TASOR: variants seen among roughly 807,000 people sequenced by gnomAD.
The protein encoded by TASOR is transcription activation suppressor, also known as protein TASOR.
TASOR carries 53 observed loss-of-function variants against 178.6 expected under a neutral mutation model. The ratio of observed to expected loss-of-function variants is 0.30; its 90% CI spans 0.24 to 0.37. The LOEUF (loss-of-function observed/expected upper bound fraction) is 0.37, where lower values mean the gene tolerates loss of function less well. Ranked by LOEUF, TASOR falls within the 10% of genes least tolerant of loss-of-function variation. The probability of loss-of-function intolerance (pLI) is 1.00; values close to 1 mark genes in which losing one functional copy is unlikely to be tolerated. For synonymous variants in TASOR, 713 were observed against 696.2 expected, an observed-to-expected ratio of 1.02 and a Z score of -0.38; for missense variants, 1,815 against 1,971.4, an observed-to-expected ratio of 0.92 and a Z score of 1.50.
At chr3:56,624,295 T>C (rs2076751773) in intron 23 of TASOR, among the ~76,000 whole-genome samples, 184 bp downstream of exon 23, 4 of 152,212 alleles carry the variant, frequency 2.6e-5, no homozygotes, top group Admixed American at 6.5e-5. Context: ...GGCTACAGTA[T>C]AATAAATGAG....
At chr3:56,672,288 T>C (rs2030810718) in intron 2 of TASOR, among the ~76,000 whole-genome samples, 3 of 152,214 alleles carry the variant, frequency 2.0e-5, no homozygotes, top group Admixed American at 6.5e-5. Context: ...ATTACTGCTC[T>C]TTAATAACTA....
intron 1 of TASOR, 57 bp downstream of exon 1, chr3:56,682,619 C>A: frequency 7.2e-7 from 1 of 1,389,956 alleles, no homozygotes; most frequent in Non-Finnish European, 9.5e-7. Context: ...TAGAAAGATT[C>A]TAATGAAAAG....
In TASOR at chr3:56,683,231, T is replaced by C; in HGVS notation, c.-225A>G. ...TCGGAGCCGCTCCTCCCTCGGGCAG[T>C]TCTTCTGCCTTCCCCCGCCACTCAA... On this transcript the variant is annotated 5_prime_UTR_variant, in exon 1 of 24. Coordinates refer to ENST00000683822, the MANE Select transcript of TASOR (RefSeq NM_001365635.2). 3 of 460,206 alleles carry C rather than the reference T, an allele frequency of 6.5e-6. No homozygotes were observed. Among genetic ancestry groups the C allele is most frequent in the Non-Finnish European group, 1.1e-5 (3 of 263,282 alleles). The allele number at this position is 460,206 out of a possible 1,614,324, so 28.5% of individuals were successfully genotyped here. A position where few individuals can be genotyped will look rare whatever the true frequency, so the allele number is the denominator to read the frequency against.
At chr3:56,673,514 AT>A in intron 2 of TASOR, 65 bp downstream of exon 2, 21 of 1,283,296 alleles carry the variant, frequency 1.6e-5, no homozygotes, top group East Asian at 3.0e-5. Flanking sequence ...TCTAGAGAAC[AT>A]TTTTTTCCCA....
At chr3:56,659,834 T>C (rs976797324) in intron 11 of TASOR, among the ~76,000 whole-genome samples, 2 of 152,144 alleles carry the variant, frequency 1.3e-5, no homozygotes, top group Non-Finnish European at 2.9e-5. Context: ...AGTGTTCCTT[T>C]ATCTCCTCAA....
chr3:56,682,155 C>T (rs530694562), intron 1 of TASOR, among the ~76,000 whole-genome samples: 74 of 152,316 alleles, frequency 4.9e-4, no homozygotes, highest in Admixed American at 2.5e-3. Context: ...ATCACATCTA[C>T]TAATAGAGAT....
At chr3:56,667,135 A>G (rs749643846) in intron 6 of TASOR, among the ~76,000 whole-genome samples, 1 of 152,208 alleles carries the variant, frequency 6.6e-6, no homozygotes, top group South Asian at 2.1e-4. Context: ...TTACATGTAT[A>G]CTTCACACCT....
At chr3:56,673,543 G>T in intron 2 of TASOR, 37 bp downstream of exon 2, 2 of 1,423,294 alleles carry the variant, frequency 1.4e-6, no homozygotes, top group South Asian at 3.1e-5. Context: ...AACTGGTTCT[G>T]AAAACAATCT....
At chr3:56,625,102 C>A in intron 21 of TASOR, 96 bp from the exon 22 acceptor site, 1 of 1,031,932 alleles carries the variant, frequency 9.7e-7, no homozygotes, top group South Asian at 1.5e-5. Context: ...TCCACTGAGG[C>A]AACTAATGAC....
intron 11 of TASOR, among the ~76,000 whole-genome samples, chr3:56,657,060 T>A (rs1004510724): frequency 9.3e-5 from 14 of 150,828 alleles, no homozygotes; most frequent in African/African-American, 3.4e-4. Flanking sequence ...CCAGGCACGG[T>A]GGCTCACGCC....
chr3:56,652,701 T>G (rs1371094862), intron 11 of TASOR, among the ~76,000 whole-genome samples: 1 of 152,202 alleles, frequency 6.6e-6, no homozygotes, highest in Non-Finnish European at 1.5e-5. Context: ...CACTAAATAC[T>G]TCTGAAAGAC....
intron 21 of TASOR, 69 bp downstream of exon 21, chr3:56,626,968 G>T: frequency 1.0e-6 from 1 of 969,652 alleles, no homozygotes; most frequent in Non-Finnish European, 1.6e-6. Context: ...ACAAACATGG[G>T]AAGAGAGAAA....
At chr3:56,648,920 G>C in intron 12 of TASOR, 27 bp from the exon 13 acceptor site, 2 of 1,599,608 alleles carry the variant, frequency 1.3e-6, no homozygotes, top group Non-Finnish European at 8.5e-7. Context: ...AAACTCATTA[G>C]CAATGTGTTT....
At chr3:56,666,173 G>C in intron 7 of TASOR, 87 bp downstream of exon 7, 1 of 1,162,756 alleles carries the variant, frequency 8.6e-7, no homozygotes, top group Non-Finnish European at 1.1e-6. Context: ...AAATGGGAAG[G>C]AAACAAAATG....
At chr3:56,663,978 A>G in intron 7 of TASOR, 1 of 521,686 alleles carries the variant, frequency 1.9e-6, no homozygotes, top group Non-Finnish European at 2.5e-6. Context: ...TAATAGGATT[A>G]TAGAGATAAA....
intron 14 of TASOR, among the ~76,000 whole-genome samples, chr3:56,646,146 T>G (rs1578229399): frequency 6.6e-6 from 1 of 152,222 alleles, no homozygotes; most frequent in African/African-American, 2.4e-5. Context: ...AGACTCCGTC[T>G]CAAAAAAAAT....
chr3:56,627,427 G>C (rs1396191852), intron 20 of TASOR, among the ~76,000 whole-genome samples, 155 bp downstream of exon 20: 2 of 152,122 alleles, frequency 1.3e-5, no homozygotes, highest in African/African-American at 4.8e-5. Context: ...GGATATTATT[G>C]GTCTAAGAGA....
intron 1 of TASOR, among the ~76,000 whole-genome samples, chr3:56,677,535 A>G (rs1296982176): frequency 4.6e-5 from 7 of 152,182 alleles, no homozygotes; most frequent in Non-Finnish European, 8.8e-5. Flanking sequence ...TAATGAATGA[A>G]TCAAGCTGCT....
intron 1 of TASOR, among the ~76,000 whole-genome samples, chr3:56,675,931 C>T (rs2031255987): frequency 6.6e-6 from 1 of 152,112 alleles, no homozygotes; most frequent in Non-Finnish European, 1.5e-5. Flanking sequence ...ACGTAGTTTT[C>T]AATGGCACAA....
Sources: allele counts gnomAD v4.1 joint callset (sites outside exome capture counted in the v4.1 genomes callset), GRCh38; gene constraint gnomAD v4.1.1; transcripts MANE v1.5; gene names NCBI Gene and HGNC (gene_info 2026-07-23, HGNC 2026-07-21).